Variants in MTA3 observed in about 807,000 individuals in gnomAD.
The protein encoded by MTA3 is metastasis-associated protein MTA3.
In MTA3, 34 loss-of-function variants were observed where a neutral mutation model predicts 83.5. The ratio of observed to expected loss-of-function variants is 0.41; its 90% CI spans 0.31 to 0.54. The LOEUF (loss-of-function observed/expected upper bound fraction) is 0.54. MTA3 is among the 20% of genes least tolerant of loss of function. The probability of loss-of-function intolerance (pLI) is 0.33; values close to 1 mark genes in which losing one functional copy is unlikely to be tolerated. For missense variants in MTA3, 761 were observed against 726.4 expected, an observed-to-expected ratio of 1.05 and a Z score of -0.55; for synonymous variants, 303 against 252.7, an observed-to-expected ratio of 1.20 and a Z score of -1.89.
chr2:42,693,590 C>T (rs1693110816), intron 9 of MTA3, among the ~76,000 whole-genome samples: 1 of 152,058 alleles, frequency 6.6e-6, no homozygotes, highest in Non-Finnish European at 1.5e-5. Flanking sequence ...CCCATGGGCT[C>T]TTCATTTTAG....
intron 2 of MTA3, among the ~76,000 whole-genome samples, chr2:42,522,740 G>A (rs959738593): frequency 6.7e-6 from 1 of 149,966 alleles, no homozygotes; most frequent in African/African-American, 2.4e-5. Context: ...CCCTGTCTCA[G>A]AAAGATGGGA....
chr2:42,694,424 C>G (rs1381291530), intron 9 of MTA3, among the ~76,000 whole-genome samples: 1 of 152,176 alleles, frequency 6.6e-6, no homozygotes, highest in Non-Finnish European at 1.5e-5. Context: ...TGTTGAGAAA[C>G]TCAAGTTCCA....
intron 2 of MTA3, among the ~76,000 whole-genome samples, chr2:42,505,773 T>TC (rs1674602492): frequency 6.7e-6 from 1 of 150,156 alleles, no homozygotes; most frequent in East Asian, 1.9e-4. Flanking sequence ...ATTGATAATT[T>TC]TTTTTTTTTT....
At chr2:42,696,989 C>G (rs1558593074) in intron 10 of MTA3, among the ~76,000 whole-genome samples, 1 of 152,188 alleles carries the variant, frequency 6.6e-6, no homozygotes, top group African/African-American at 2.4e-5. Flanking sequence ...AATATTCTTT[C>G]CAAAAACTTC....
At chr2:42,748,779 G>A (rs1240887378) in intron 16 of MTA3, among the ~76,000 whole-genome samples, 3 of 152,172 alleles carry the variant, frequency 2.0e-5, no homozygotes, top group African/African-American at 7.2e-5. Flanking sequence ...GGGTCAGTGT[G>A]AATGATGAGT....
intron 8 of MTA3, among the ~76,000 whole-genome samples, chr2:42,677,908 A>G (rs1254065621): frequency 1.3e-5 from 2 of 152,194 alleles, no homozygotes; most frequent in African/African-American, 4.8e-5. Context: ...ACTGTACTAT[A>G]TTCATCTATT....
intron 9 of MTA3, among the ~76,000 whole-genome samples, chr2:42,695,418 T>C (rs1693292828): frequency 6.6e-6 from 1 of 151,872 alleles, no homozygotes; most frequent in African/African-American, 2.4e-5. Context: ...GCAGATCACC[T>C]GAGGTTAGGA....
At chr2:42,618,197 C>T (rs540973424) in intron 4 of MTA3, among the ~76,000 whole-genome samples, 6 of 151,962 alleles carry the variant, frequency 3.9e-5, no homozygotes, top group African/African-American at 1.4e-4. Flanking sequence ...ATCCTTCCAC[C>T]CTGGCCTCCC....
At chr2:42,695,251 T>C (rs1693276833) in intron 9 of MTA3, among the ~76,000 whole-genome samples, 1 of 152,180 alleles carries the variant, frequency 6.6e-6, no homozygotes, top group African/African-American at 2.4e-5. Context: ...TTGTTTGGGG[T>C]ACCGTTTGCT....
chr2:42,557,296 ATT>A, intron 2 of MTA3, among the ~76,000 whole-genome samples: 1 of 144,086 alleles, frequency 6.9e-6, no homozygotes, highest in Admixed American at 7.0e-5. Context: ...ATAAATAAAA[ATT>A]TAAAAATTAA....
chr2:42,708,552 A>C (rs1166535167), intron 13 of MTA3, among the ~76,000 whole-genome samples: 1 of 152,068 alleles, frequency 6.6e-6, no homozygotes, highest in Non-Finnish European at 1.5e-5. Context: ...ACCCTTTTTC[A>C]GTGCTGACGG....
At chr2:42,720,179 A>G (rs188892750) in intron 15 of MTA3, among the ~76,000 whole-genome samples, 174 of 141,290 alleles carry the variant, frequency 1.2e-3, no homozygotes, top group Non-Finnish European at 1.1e-3. Flanking sequence ...TTATTTATTT[A>G]TTTTATTTAT....
At chr2:42,729,266 T>G (rs1286730713) in intron 16 of MTA3, among the ~76,000 whole-genome samples, 1 of 151,302 alleles carries the variant, frequency 6.6e-6, no homozygotes, top group Non-Finnish European at 1.5e-5. Context: ...CCGGCTAATT[T>G]TTTGTATTTT....
At chr2:42,688,835 A>G (rs1692627773) in intron 9 of MTA3, among the ~76,000 whole-genome samples, 1 of 151,850 alleles carries the variant, frequency 6.6e-6, no homozygotes, top group African/African-American at 2.4e-5. Context: ...TTTTTGCCTT[A>G]TTGCACTGGC....
chr2:42,508,929 G>A (rs898335537), intron 2 of MTA3, among the ~76,000 whole-genome samples: 3 of 149,136 alleles, frequency 2.0e-5, no homozygotes, highest in African/African-American at 7.4e-5. Context: ...TGGGGGAAAG[G>A]GGTTATACAT....
At chr2:42,564,795 G>A (rs955071363), upstream of MTA3, among the ~76,000 whole-genome samples, 3 of 151,788 alleles carry the variant, frequency 2.0e-5, no homozygotes, top group Non-Finnish European at 4.4e-5. Context: ...TATTTTTTTT[G>A]AGATGAAGTC....
intron 4 of MTA3, among the ~76,000 whole-genome samples, chr2:42,632,447 G>A (rs1686777233): frequency 6.6e-6 from 1 of 152,088 alleles, no homozygotes; most frequent in Non-Finnish European, 1.5e-5. Flanking sequence ...TCCATATGTT[G>A]TGGAACCTCT....
intron 16 of MTA3, among the ~76,000 whole-genome samples, chr2:42,744,901 G>A (rs1186334416): frequency 6.6e-6 from 1 of 152,140 alleles, no homozygotes; most frequent in African/African-American, 2.4e-5. Context: ...AAGAAGTGAG[G>A]AGAAGCCTTC....
chr2:42,614,659 A>G (rs1190871367), intron 4 of MTA3, among the ~76,000 whole-genome samples: 1 of 152,016 alleles, frequency 6.6e-6, no homozygotes, highest in African/African-American at 2.4e-5. Flanking sequence ...CTCGTGTAAT[A>G]TAGTGAATTC....
Sources: allele counts gnomAD v4.1 joint callset (sites outside exome capture counted in the v4.1 genomes callset), GRCh38; gene constraint gnomAD v4.1.1; transcripts MANE v1.5; gene names NCBI Gene and HGNC (gene_info 2026-07-23, HGNC 2026-07-21).